The following ASB4 variants were observed in gnomAD, a reference collection of about 807,000 sequenced individuals.
The protein encoded by ASB4 is ankyrin repeat and SOCS box protein 4.
Under a neutral mutation model 38.6 loss-of-function variants are expected in ASB4, and 35 were observed. The observed-to-expected ratio is 0.91, with a 90% CI of 0.69 to 1.20. ASB4 has a LOEUF of 1.20. Ranked by LOEUF, ASB4 falls within the 50% of genes most tolerant of loss-of-function variation. The probability of loss-of-function intolerance (pLI) is 0.00; values close to 1 mark genes in which losing one functional copy is unlikely to be tolerated. For missense variants in ASB4, 557 were observed against 527.2 expected (o/e 1.06, Z -0.55); for synonymous variants, 195 against 201.3 (o/e 0.97, Z 0.26).
chr7:95,547,999 A>G, the ASB4 span, among the ~76,000 whole-genome samples: 1 of 152,156 alleles, frequency 6.6e-6, no homozygotes, highest in South Asian at 2.1e-4. Context: ...GTTTCTTTGG[A>G]GAGTCTTGAC....
At chr7:95,545,942 G>A in the ASB4 span, among the ~76,000 whole-genome samples, 1 of 152,326 alleles carries the variant, frequency 6.6e-6, no homozygotes, top group African/African-American at 2.4e-5. Flanking sequence ...TATGGTCACA[G>A]AGTTGCTCCC....
chr7:95,534,556 C>A (rs1790862632), intron 3 of ASB4, among the ~76,000 whole-genome samples: 1 of 152,128 alleles, frequency 6.6e-6, no homozygotes, highest in Admixed American at 6.5e-5. Flanking sequence ...CTAGCCCTGA[C>A]ACCAGCCTGG....
At chr7:95,515,345 C>CT (rs1200212183) in intron 2 of ASB4, among the ~76,000 whole-genome samples, 1 of 119,686 alleles carries the variant, frequency 8.4e-6, no homozygotes, top group Admixed American at 8.5e-5. Context: ...TTCTTTCTTT[C>CT]TTTCTTTTTC....
rs762395018 is a variant in ASB4 at position 95,495,907 on chromosome 7, G to A, written c.337G>A (p.Val113Met). The A allele has an allele frequency of 1.5e-5, 25 of 1,613,974 alleles. No homozygotes were observed. The East Asian group carries it at 4.0e-4, about 26-fold the overall frequency. The change falls in exon 2 of 5, where the codon GTG (valine) becomes ATG (methionine). Residue 113 changes from valine to methionine, a missense_variant. Physicochemically the swap from Val to Met is conservative, Grantham distance 21. Transcript: ENST00000325885. ...CRPNGKTPLH[V>M]ACEMANVDCV... ...ACCCAATGGGAAAACCCCTCTTCAC[G>A]TGGCTTGTGAAATGGCCAATGTGGA... is the stretch of plus-strand genomic sequence containing the variant.
intron 2 of ASB4, among the ~76,000 whole-genome samples, chr7:95,515,660 C>T (rs1207075772): frequency 3.3e-5 from 5 of 152,170 alleles, no homozygotes; most frequent in Non-Finnish European, 5.9e-5. Flanking sequence ...GTGATCCCCC[C>T]GACCTTGGCC....
chr7:95,535,070 A>G (rs1293035986), intron 3 of ASB4, among the ~76,000 whole-genome samples: 2 of 152,138 alleles, frequency 1.3e-5, no homozygotes, highest in African/African-American at 4.8e-5. Context: ...ACACACATGC[A>G]CATGCACACA....
chr7:95,477,601 GTATGAAGCTTGACAT>G (rs959751493), upstream of ASB4, among the ~76,000 whole-genome samples: 2 of 152,134 alleles, frequency 1.3e-5, no homozygotes, highest in African/African-American at 4.8e-5. Flanking sequence ...AAAAACTAAA[GTATGAAGCTTGACAT>G]TAGGTTGGAG....
Position 95,536,446 on chromosome 7 carries a change from G to A in ASB4, c.988G>A (p.Ala330Thr), listed in dbSNP as rs774765680. Reference sequence around the variant, plus strand: ...TGTGCTTCCTCTGCAGGTGATACAGGCCTGCCATTCTTGTCCTAAAGCAAT... The same window carrying A: ...TGTGCTTCCTCTGCAGGTGATACAGACCTGCCATTCTTGTCCTAAAGCAAT... ...YPPQFHKVIQ[A>T]CHSCPKAIEV... The change falls in exon 4 of 5, where the codon GCC (alanine) becomes ACC (threonine). Residue 330 changes from alanine (A) to threonine (T), a missense_variant. Physicochemically the swap from Ala to Thr is moderately conservative, Grantham distance 58 (BLOSUM62 0). Transcript: ENST00000325885. 2 of 1,608,628 alleles carry A rather than the reference G, an allele frequency of 1.2e-6. No homozygotes were observed. The highest frequency in any genetic ancestry group is 4.5e-5 in the East Asian group (2 of 44,832).
upstream of ASB4, among the ~76,000 whole-genome samples, chr7:95,485,094 ATC>A (rs1790070803): frequency 6.6e-6 from 1 of 151,400 alleles, no homozygotes; most frequent in Admixed American, 6.6e-5. Flanking sequence ...ACATCTATTT[ATC>A]TGTCTGCATT....
intron 2 of ASB4, among the ~76,000 whole-genome samples, chr7:95,513,293 ATGTGTGTGTGTG>A (rs3046862): frequency 5.3e-4 from 47 of 89,230 alleles, no homozygotes; most frequent in Admixed American, 9.4e-4. Context: ...AGCCAATAGA[ATGTGTGTGTGTG>A]TGTGTGTGTG....
At chr7:95,537,039 C>A (rs1288309133) in intron 4 of ASB4, among the ~76,000 whole-genome samples, 1 of 152,136 alleles carries the variant, frequency 6.6e-6, no homozygotes. Context: ...CCAATGTATA[C>A]CAGTCCTTCC....
At chr7:95,517,417 C>G (rs1412902267) in intron 2 of ASB4, among the ~76,000 whole-genome samples, 4 of 151,954 alleles carry the variant, frequency 2.6e-5, no homozygotes, top group Non-Finnish European at 5.9e-5. Flanking sequence ...TGTCTGTTCA[C>G]AGATAAAGAG....
chr7:95,537,775 A>C lies in ASB4; in HGVS notation c.*16A>C. On this transcript the variant is annotated 3_prime_UTR_variant, in exon 5 of 5. Coordinates refer to ENST00000325885, the MANE Select transcript of ASB4 (RefSeq NM_016116.3). ...TATTTATTAAGCCTTATGAGACAGC[A>C]GTTCCCAATCCTAGGTATTTAAGTG... 6.2e-7 allele frequency: 1 copy of C among 1,606,658 alleles called. No individual in the cohort carries two copies. Among genetic ancestry groups the C allele is most frequent in the Non-Finnish European group, 8.5e-7 (1 of 1,174,872 alleles).
chr7:95,496,868 AAAAC>A (rs1790257297), intron 2 of ASB4, among the ~76,000 whole-genome samples: 1 of 152,138 alleles, frequency 6.6e-6, no homozygotes, highest in Non-Finnish European at 1.5e-5. Flanking sequence ...ACAAAGAACA[AAAAC>A]AAACAAAAAA....
intron 2 of ASB4, among the ~76,000 whole-genome samples, chr7:95,517,703 G>C (rs1329045349): frequency 6.6e-6 from 1 of 152,130 alleles, no homozygotes; most frequent in Non-Finnish European, 1.5e-5. Context: ...TCAATTACAG[G>C]CCACTAGTGA....
At chr7:95,547,051 T>C in the ASB4 span, among the ~76,000 whole-genome samples, 5 of 152,212 alleles carry the variant, frequency 3.3e-5, no homozygotes. Context: ...TTATACTATG[T>C]TGTAAATGCC....
upstream of ASB4, among the ~76,000 whole-genome samples, chr7:95,473,509 C>G (rs916177031): frequency 5.9e-5 from 9 of 152,176 alleles, no homozygotes; most frequent in Admixed American, 5.2e-4. Context: ...GCTGCTAGAC[C>G]TCGTACTGTT....
chr7:95,522,533 A>G (rs1790677974), intron 2 of ASB4, among the ~76,000 whole-genome samples: 2 of 152,160 alleles, frequency 1.3e-5, no homozygotes, highest in African/African-American at 4.8e-5. Context: ...TAGGCAGGGC[A>G]TTGTATTTAT....
chr7:95,537,744 G>C lies in ASB4; in HGVS notation c.1266G>C (p.Glu422Asp). Residue 422 changes from glutamate (E) to aspartate (D), a missense_variant, in exon 5 of 5, where the codon GAG (glutamate) becomes GAC (aspartate). Glu to Asp is a conservative substitution (Grantham distance 45). Transcript: ENST00000325885. ...SLKKYLLLEP[E>D]GIIY Reference sequence around the variant, plus strand: ...AAAAGTACTTGCTTTTAGAGCCAGAGGGAATTATTTATTAAGCCTTATGAG... The same window carrying C: ...AAAAGTACTTGCTTTTAGAGCCAGACGGAATTATTTATTAAGCCTTATGAG... The C allele has an allele frequency of 6.2e-7, 1 of 1,613,612 alleles. No homozygotes were observed.
Sources: gnomAD v4.1 joint callset for allele counts (sites outside exome capture counted in the v4.1 genomes callset) on GRCh38, gnomAD v4.1.1 for gene constraint, MANE v1.5 for transcripts, NCBI Gene and HGNC (gene_info 2026-07-23, HGNC 2026-07-21) for gene names.